The following ALMS1 variants were observed in gnomAD, a reference collection of about 807,000 sequenced individuals.
ALMS1 encodes ALMS1 centrosome and basal body associated protein, also known as centrosome-associated protein ALMS1.
In ALMS1, 271 loss-of-function variants were observed where a neutral mutation model predicts 352.2. The observed-to-expected ratio is 0.77, with a 90% CI of 0.70 to 0.85. The LOEUF is 0.85. ALMS1 is among the 40% of genes least tolerant of loss of function. The pLI is 0.00. For missense variants in ALMS1, 5,445 were observed against 4,870.7 expected, an observed-to-expected ratio of 1.12 and a Z score of -3.51; for synonymous variants, 1,865 against 1,761.2, an observed-to-expected ratio of 1.06 and a Z score of -1.48.
In ALMS1 at chr2:73,533,227, G is replaced by A. The variant is rs924582344; in HGVS notation, c.9782-1597G>A. Among the ~76,000 whole-genome samples the A allele has an allele frequency of 5.3e-5, 8 of 152,224 alleles. No individual in the cohort carries two copies. The East Asian group carries it at 7.7e-4, about 15-fold the overall frequency. On this transcript the variant is annotated intron_variant, in intron 11 of 22. Coordinates refer to ENST00000613296, the MANE Select transcript of ALMS1 (RefSeq NM_001378454.1). Reference sequence around the variant, plus strand: ...GTGCTTCCCTTGGCCATTTTGGCTGGTGTCTTACTAGGTTGCATACGCCCA... The same window carrying A: ...GTGCTTCCCTTGGCCATTTTGGCTGATGTCTTACTAGGTTGCATACGCCCA...
chr2:73,430,312 G>A (rs1245517519), intron 6 of ALMS1, among the ~76,000 whole-genome samples: 6 of 152,232 alleles, frequency 3.9e-5, no homozygotes, highest in East Asian at 3.9e-4. Flanking sequence ...TCCTGACTTC[G>A]TGATCCGCCC....
At chr2:73,513,356 C>A (rs903438720) in intron 10 of ALMS1, among the ~76,000 whole-genome samples, 1 of 152,188 alleles carries the variant, frequency 6.6e-6, no homozygotes, top group Non-Finnish European at 1.5e-5. Flanking sequence ...ACTACCCCCT[C>A]ACATGGATTT....
Position 73,452,120 on chromosome 2 carries a change from T to G in ALMS1, c.5593T>G (p.Leu1865Val), listed in dbSNP as rs775039046. ...EHSVISYEQE[L>V]PDLTEVTLKA... ...CTCTGTCATTTCTTATGAGCAGGAG[T>G]TGCCAGATCTTACTGAAGTAACTTT... The change falls in exon 8 of 23, where the codon TTG (leucine) becomes GTG (valine). Residue 1865 changes from leucine to valine, a missense_variant. Coordinates refer to ENST00000613296, the MANE Select transcript of ALMS1 (RefSeq NM_001378454.1). 1 of 1,608,072 alleles carries G rather than the reference T, an allele frequency of 6.2e-7. No individual in the cohort carries two copies. The highest frequency in any genetic ancestry group is 8.5e-7 in the Non-Finnish European group (1 of 1,176,428).
chr2:73,393,839 A>G (rs1670702320), intron 1 of ALMS1, among the ~76,000 whole-genome samples: 1 of 143,966 alleles, frequency 6.9e-6, no homozygotes, highest in Non-Finnish European at 1.5e-5. Flanking sequence ...TTTTTCTGAG[A>G]TAGGTGTCTC....
intron 16 of ALMS1, among the ~76,000 whole-genome samples, chr2:73,587,208 C>G (rs929880760): frequency 5.9e-5 from 9 of 152,160 alleles, no homozygotes; most frequent in African/African-American, 2.2e-4. Flanking sequence ...GGTATACAGT[C>G]ATATCATCGG....
Position 73,468,454 on chromosome 2 carries a change from ATTG to A in ALMS1, c.7674+13164_7674+13166del, listed in dbSNP as rs150869166. Among the ~76,000 whole-genome samples the A allele has an allele frequency of 1.2e-3, 178 of 152,132 alleles. No homozygotes were observed. In the East Asian group the frequency reaches 0.024, roughly 20 times the overall value. On this transcript the variant is annotated intron_variant, in intron 9 of 22. Coordinates refer to ENST00000613296, the MANE Select transcript of ALMS1 (RefSeq NM_001378454.1). ...GTTTACTGGTGTTAAGTACATTCATATTGTTGTGCAACCACCACCACCATCCGT... is the reference window on the plus strand; with the variant it reads ...GTTTACTGGTGTTAAGTACATTCATATTGTGCAACCACCACCACCATCCGT...
At chr2:73,593,271 T>C (rs1675470367) in intron 16 of ALMS1, among the ~76,000 whole-genome samples, 1 of 152,108 alleles carries the variant, frequency 6.6e-6, no homozygotes, top group Non-Finnish European at 1.5e-5. Context: ...GTGTGCATTG[T>C]GATTATTGTG....
intron 19 of ALMS1, 125 bp from the exon 20 acceptor site, chr2:73,602,060 C>CT: frequency 9.9e-7 from 1 of 1,014,282 alleles, no homozygotes; most frequent in South Asian, 1.4e-5. Context: ...ACGCTAGATA[C>CT]TTTCTCGGCA....
intron 1 of ALMS1, among the ~76,000 whole-genome samples, chr2:73,402,077 G>A (rs1186827700): frequency 5.9e-5 from 9 of 151,498 alleles, no homozygotes. Context: ...TGTGTGTCTT[G>A]TAGTTTATTC....
chr2:73,546,845 G>T (rs1268322702), intron 12 of ALMS1, among the ~76,000 whole-genome samples: 10 of 152,148 alleles, frequency 6.6e-5, no homozygotes, highest in Non-Finnish European at 1.5e-4. Context: ...GATCTGATTG[G>T]TTTTTGTAGT....
At chr2:73,485,715 C>G (rs996454792) in intron 9 of ALMS1, among the ~76,000 whole-genome samples, 1 of 152,158 alleles carries the variant, frequency 6.6e-6, no homozygotes, top group African/African-American at 2.4e-5. Context: ...GCTGTGCTAG[C>G]AATCAGCGAG....
chr2:73,552,475 A>G (rs977992339), intron 13 of ALMS1, among the ~76,000 whole-genome samples: 1 of 151,862 alleles, frequency 6.6e-6, no homozygotes, highest in Admixed American at 6.6e-5. Flanking sequence ...TAGATGTGGA[A>G]AAATTGGCAG....
intron 10 of ALMS1, among the ~76,000 whole-genome samples, chr2:73,505,110 A>T (rs1291701955): frequency 6.6e-6 from 1 of 152,028 alleles, no homozygotes; most frequent in Non-Finnish European, 1.5e-5. Context: ...CATTTTCTTT[A>T]TCCAGTCTAA....
At chr2:73,465,377 A>G (rs1672311611) in intron 9 of ALMS1, among the ~76,000 whole-genome samples, 2 of 152,242 alleles carry the variant, frequency 1.3e-5, no homozygotes, top group Admixed American at 6.5e-5. Flanking sequence ...GACAAAAACA[A>G]GAAATGGGGA....
rs770147613 is a variant in ALMS1, at chr2:73,573,186, A to T, written c.11309A>T (p.Asp3770Val). 3 of 1,612,812 alleles carry T rather than the reference A, an allele frequency of 1.9e-6. No individual in the cohort carries two copies. Among genetic ancestry groups the T allele is most frequent in the South Asian group, 2.2e-5 (2 of 90,974 alleles). ...TVESDILTQT[D>V]REVALHERSS... ...GAATCAGATATATTGACCCAAACAGATAGAGAGGTGGCTCTGCACGAAAGG... is the reference window on the plus strand; with the variant it reads ...GAATCAGATATATTGACCCAAACAGTTAGAGAGGTGGCTCTGCACGAAAGG... Residue 3770 changes from aspartate (D) to valine (V), a missense_variant, in exon 16 of 23, where the codon GAT becomes GTT. Transcript: ENST00000613296.
chr2:73,503,771 A>G (rs1438509757), intron 10 of ALMS1, among the ~76,000 whole-genome samples: 1 of 152,134 alleles, frequency 6.6e-6, no homozygotes, highest in Non-Finnish European at 1.5e-5. Flanking sequence ...AAAACTCAAT[A>G]AAGTTGTGGC....
chr2:73,548,425 T>G (rs1170272354), intron 12 of ALMS1, among the ~76,000 whole-genome samples: 1 of 152,212 alleles, frequency 6.6e-6, no homozygotes, highest in Non-Finnish European at 1.5e-5. Flanking sequence ...CTCAGCTGCC[T>G]CTCACCTCCT....
chr2:73,420,717 G>A (rs1671266147), intron 3 of ALMS1, among the ~76,000 whole-genome samples: 1 of 152,152 alleles, frequency 6.6e-6, no homozygotes, highest in Admixed American at 6.5e-5. Flanking sequence ...CTAATGTAAA[G>A]TTTTATAACT....
chr2:73,444,692 A>G (rs1671774142), intron 7 of ALMS1, among the ~76,000 whole-genome samples: 1 of 152,228 alleles, frequency 6.6e-6, no homozygotes, highest in Non-Finnish European at 1.5e-5. Flanking sequence ...ATTTATCAAC[A>G]GGACAACGTT....
Sources: gnomAD v4.1 joint callset for allele counts (sites outside exome capture counted in the v4.1 genomes callset) on GRCh38, gnomAD v4.1.1 for gene constraint, MANE v1.5 for transcripts, NCBI Gene and HGNC (gene_info 2026-07-23, HGNC 2026-07-21) for gene names.